The following METTL8 variants were observed in gnomAD, a reference collection of about 807,000 sequenced individuals.
METTL8 encodes the protein methyltransferase 8, tRNA N3-cytidine.
A neutral mutation model predicts 48.7 loss-of-function variants in METTL8; 32 were observed. The observed-to-expected ratio is 0.66, with a 90% CI of 0.50 to 0.88. The LOEUF (loss-of-function observed/expected upper bound fraction) is 0.88. Among genes scored for constraint, METTL8 ranks in the 40% least tolerant of loss-of-function variants. The pLI is 0.00. For missense variants in METTL8, 464 were observed against 474.4 expected (o/e 0.98, Z 0.20); for synonymous variants, 136 against 157.1 (o/e 0.87, Z 1.01).
chr2:171,338,945 AACAG>A (rs1404135188), intron 4 of METTL8, among the ~76,000 whole-genome samples: 2 of 152,170 alleles, frequency 1.3e-5, no homozygotes, highest in African/African-American at 4.8e-5. Flanking sequence ...TTAAAATGAA[AACAG>A]ACAATTTTTT....
intron 1 of METTL8, among the ~76,000 whole-genome samples, chr2:171,400,216 T>TA (rs1689511185): frequency 6.6e-6 from 1 of 152,134 alleles, no homozygotes; most frequent in Non-Finnish European, 1.5e-5. Flanking sequence ...TAAAAATTGA[T>TA]AGAGATTCAA....
At chr2:171,347,805 C>A (rs78827762) in intron 3 of METTL8, among the ~76,000 whole-genome samples, 1 of 152,180 alleles carries the variant, frequency 6.6e-6, no homozygotes, top group Admixed American at 6.5e-5. Flanking sequence ...AGCAGTACTG[C>A]CACTGGTATG....
chr2:171,342,901 G>A (rs757922866), intron 3 of METTL8, among the ~76,000 whole-genome samples: 7 of 152,128 alleles, frequency 4.6e-5, no homozygotes, highest in African/African-American at 9.7e-5. Context: ...GCGGCCAGGC[G>A]AGGTGGCTCA....
In METTL8 at chr2:171,392,126, T is replaced by C. The variant is rs1688634702; in HGVS notation, c.60A>G (p.Arg20=). 1 of 1,551,638 alleles carries C rather than the reference T, an allele frequency of 6.4e-7. No homozygotes were observed. The highest frequency in any genetic ancestry group is 8.7e-7 in the Non-Finnish European group (1 of 1,146,926). ...SCLRLGKVPH[R]YQSGYHPVAP... The stretch of plus-strand genomic sequence containing the variant: ...CCACTGGGTGGTAACCACTTTGGTA[T>C]CTGTGTGGCACCTTTCCTAGCCTTA... Residue 20 remains arginine (R), a synonymous_variant, in exon 2 of 10, where the codon AGA becomes AGG. Transcript: ENST00000375258.
chr2:171,397,270 T>C (rs1006407216), intron 1 of METTL8, among the ~76,000 whole-genome samples: 2 of 139,142 alleles, frequency 1.4e-5, no homozygotes, highest in African/African-American at 2.6e-5. Context: ...TCTCAGAGCT[T>C]TGGGAGGGAG....
intron 1 of METTL8, among the ~76,000 whole-genome samples, chr2:171,400,994 C>T (rs995781547): frequency 1.3e-5 from 2 of 152,116 alleles, no homozygotes; most frequent in Non-Finnish European, 2.9e-5. Context: ...AATGCCAGTC[C>T]ACCATGTAAA....
chr2:171,429,184 T>C lies in METTL8; in HGVS notation c.-13+4699A>G, dbSNP rs1035044691. On this transcript the variant is annotated intron_variant, in intron 1 of 9. Transcript: ENST00000375258. ...GATCATCTGAATGAGCACTTTTTAA[T>C]TGAGTGCTGTCACAAGATTTGAATT... 4.6e-5 allele frequency among the ~76,000 whole-genome samples: 7 copies of C among 152,202 alleles called. 1 individual carries two copies. The highest frequency in any genetic ancestry group is 2.1e-4 in the South Asian group (1 of 4,830).
intron 2 of METTL8, among the ~76,000 whole-genome samples, chr2:171,389,172 C>T (rs1688349460): frequency 6.6e-6 from 1 of 152,156 alleles, no homozygotes; most frequent in African/African-American, 2.4e-5. Flanking sequence ...ACCTAGGCCT[C>T]TAGCACTAGT....
chr2:171,334,935 A>G (rs184415897), intron 5 of METTL8, among the ~76,000 whole-genome samples: 1 of 152,352 alleles, frequency 6.6e-6, no homozygotes, highest in East Asian at 1.9e-4. Flanking sequence ...TAAGGAATAT[A>G]AAAAGTGGTC....
chr2:171,341,272 G>T (rs1389680967), intron 3 of METTL8, among the ~76,000 whole-genome samples: 1 of 149,502 alleles, frequency 6.7e-6, no homozygotes, highest in Non-Finnish European at 1.5e-5. Context: ...AGGTTGCAGT[G>T]AGCCGAGATC....
intron 3 of METTL8, among the ~76,000 whole-genome samples, chr2:171,357,157 C>T (rs1257159892): frequency 6.6e-6 from 1 of 151,842 alleles, no homozygotes; most frequent in Non-Finnish European, 1.5e-5. Context: ...TAGGGTTTCA[C>T]CATGTTGGCC....
In METTL8 at chr2:171,349,104, T is replaced by C. The variant is rs557649478; in HGVS notation, c.236-9550A>G. On this transcript the variant is annotated intron_variant, in intron 3 of 9. Transcript: ENST00000375258. Reference sequence around the variant, plus strand: ...GTGAAACAGACCTCCAGGATGTTTTTATCTTGCTAAACTATTAACTACATA... The same window carrying C: ...GTGAAACAGACCTCCAGGATGTTTTCATCTTGCTAAACTATTAACTACATA... Among the ~76,000 whole-genome samples, 28 of 152,346 alleles carry C rather than the reference T, an allele frequency of 1.8e-4. No homozygotes were observed. In the South Asian group the frequency reaches 4.4e-3, roughly 24 times the overall value.
At position 171,344,989 on chromosome 2, in the gene METTL8, C is replaced by T. The variant is rs144360531; in HGVS notation, c.236-5435G>A. ...GGTCAGGAATGATAAAATAATATAGCGTGGAGAAATCTGCCCTGTCTTCAT... is the reference window on the plus strand; with the variant it reads ...GGTCAGGAATGATAAAATAATATAGTGTGGAGAAATCTGCCCTGTCTTCAT... On this transcript the variant is annotated intron_variant, in intron 3 of 9. Coordinates refer to ENST00000375258, the MANE Select transcript of METTL8 (RefSeq NM_001321154.2). Among the ~76,000 whole-genome samples the T allele has an allele frequency of 1.9e-3, 295 of 152,228 alleles. 7 individuals are homozygous for T. The East Asian group carries it at 0.029, about 15-fold the overall frequency.
At chr2:171,379,277 A>G (rs1014648345) in intron 2 of METTL8, among the ~76,000 whole-genome samples, 10 of 152,240 alleles carry the variant, frequency 6.6e-5, no homozygotes, top group African/African-American at 1.9e-4. Context: ...AGGGAAATTT[A>G]TAACACTAAA....
At chr2:171,400,227 T>A (rs1476269586) in intron 1 of METTL8, among the ~76,000 whole-genome samples, 1 of 152,180 alleles carries the variant, frequency 6.6e-6, no homozygotes, top group South Asian at 2.1e-4. Flanking sequence ...AGAGATTCAA[T>A]TCCAGTCCAA....
intron 2 of METTL8, among the ~76,000 whole-genome samples, chr2:171,382,006 C>T (rs984288389): frequency 2.6e-5 from 4 of 151,944 alleles, no homozygotes; most frequent in South Asian, 2.1e-4. Context: ...ATGGTCTCAA[C>T]CTCCTGACCT....
At chr2:171,434,760 C>T, upstream of METTL8, 2 of 1,392,068 alleles carry the variant, frequency 1.4e-6, no homozygotes, top group Non-Finnish European at 1.8e-6. Flanking sequence ...GCGGCCGAGC[C>T]TCCTGCGGGG....
At chr2:171,426,499 C>A (rs918663456) in intron 1 of METTL8, among the ~76,000 whole-genome samples, 3 of 152,034 alleles carry the variant, frequency 2.0e-5, no homozygotes, top group African/African-American at 7.2e-5. Context: ...TATGGGTGTT[C>A]ATTTTATAAT....
intron 1 of METTL8, among the ~76,000 whole-genome samples, chr2:171,419,193 G>C (rs1388007796): frequency 3.9e-5 from 6 of 152,062 alleles, no homozygotes; most frequent in African/African-American, 1.4e-4. Context: ...CCTTTTATTA[G>C]AGAATGGTCT....
Sources: gnomAD v4.1 joint callset for allele counts (sites outside exome capture counted in the v4.1 genomes callset) on GRCh38, gnomAD v4.1.1 for gene constraint, MANE v1.5 for transcripts, NCBI Gene and HGNC (gene_info 2026-07-23, HGNC 2026-07-21) for gene names.